Variants in ADGRV1 observed in about 807,000 individuals in gnomAD.
ADGRV1 encodes the protein G-protein coupled receptor 98.
Under a neutral mutation model 596.2 loss-of-function variants are expected in ADGRV1, and 359 were observed. That is an observed-to-expected ratio of 0.60 (90% CI 0.55 to 0.66). The LOEUF is 0.66. Among genes scored for constraint, ADGRV1 ranks in the 30% least tolerant of loss-of-function variants. The pLI is 0.00. For synonymous variants in ADGRV1, 2,681 were observed against 2,679.2 expected (o/e 1.00, Z -0.02); for missense variants, 7,274 against 7,575.6 (o/e 0.96, Z 1.48).
chr5:90,656,054 C>T (rs1426570061), intron 20 of ADGRV1, among the ~76,000 whole-genome samples: 1 of 152,134 alleles, frequency 6.6e-6, no homozygotes, highest in Admixed American at 6.6e-5. Flanking sequence ...CATATTCCCT[C>T]CATGAACCAC....
chr5:91,072,360 A>C, intron 85 of ADGRV1, 87 bp from the exon 86 acceptor site: 1 of 1,141,268 alleles, frequency 8.8e-7, no homozygotes. Context: ...ACAAAGAGCT[A>C]GTATAAAGTA....
intron 87 of ADGRV1, among the ~76,000 whole-genome samples, chr5:91,126,471 G>C (rs1793764973): frequency 6.6e-6 from 1 of 152,176 alleles, no homozygotes; most frequent in Non-Finnish European, 1.5e-5. Flanking sequence ...ATAGCTAAAG[G>C]TTACATGCTT....
intron 79 of ADGRV1, 139 bp downstream of exon 79, chr5:90,848,960 GAAGTT>G (rs1766199088): frequency 1.8e-6 from 1 of 561,994 alleles, no homozygotes; most frequent in African/African-American, 2.0e-5. Flanking sequence ...TTGGAAAGTT[GAAGTT>G]AATTATTTGA....
At position 90,805,291 on chromosome 5, in the gene ADGRV1, T is replaced by C. The variant is rs1761797994; in HGVS notation, c.14669T>C (p.Phe4890Ser). The change falls in exon 72 of 90, where the codon TTT (phenylalanine) becomes TCT (serine). Residue 4890 changes from phenylalanine (F) to serine (S), a missense_variant. Phe to Ser is a radical substitution (Grantham distance 155). Around this residue, in one of 5 missense-constraint regions of ADGRV1, gnomAD observed 1,874 missense variants for 1,970.2 expected, o/e 0.95. Coordinates refer to ENST00000405460, the MANE Select transcript of ADGRV1 (RefSeq NM_032119.4). ...SEKAANSQVG[F>S]ESTAFQLMNI... Reference sequence around the variant, plus strand: ...AGCATGATTTTCCCTCAGGTCGGATTTGAATCCACTGCTTTTCAACTCATG... The same window carrying C: ...AGCATGATTTTCCCTCAGGTCGGATCTGAATCCACTGCTTTTCAACTCATG... 1 of 1,610,198 alleles carries C rather than the reference T, an allele frequency of 6.2e-7. No individual in the cohort carries two copies. Among genetic ancestry groups the C allele is most frequent in the African/African-American group, 1.3e-5 (1 of 74,906 alleles).
At chr5:90,577,030 T>C (rs1757321771) in intron 1 of ADGRV1, among the ~76,000 whole-genome samples, 2 of 152,190 alleles carry the variant, frequency 1.3e-5, no homozygotes, top group Non-Finnish European at 2.9e-5. Flanking sequence ...ATTTGTCAGA[T>C]GGGTAGATTG....
chr5:90,940,104 A>G (rs1310809631), intron 83 of ADGRV1, among the ~76,000 whole-genome samples: 1 of 152,192 alleles, frequency 6.6e-6, no homozygotes, highest in Non-Finnish European at 1.5e-5. Context: ...GTTCCTGTAA[A>G]CAGCTCCTAG....
At chr5:90,802,957 G>C in intron 71 of ADGRV1, 75 bp downstream of exon 71, 1 of 1,278,968 alleles carries the variant, frequency 7.8e-7, no homozygotes, top group South Asian at 1.9e-5. Flanking sequence ...GAGACTCTTA[G>C]AGCTAGAATT....
At chr5:91,066,582 G>T in intron 85 of ADGRV1, among the ~76,000 whole-genome samples, 1 of 152,218 alleles carries the variant, frequency 6.6e-6, no homozygotes, top group East Asian at 1.9e-4. Context: ...AAGGTGTTAA[G>T]TATATGAGAC....
chr5:90,584,284 C>T (rs1758459089), intron 1 of ADGRV1, among the ~76,000 whole-genome samples: 1 of 152,050 alleles, frequency 6.6e-6, no homozygotes, highest in Admixed American at 6.6e-5. Flanking sequence ...TTTTCCTTAG[C>T]TCCTTTTTCT....
intron 85 of ADGRV1, among the ~76,000 whole-genome samples, chr5:91,022,269 T>A (rs1262679815): frequency 1.3e-5 from 2 of 152,060 alleles, no homozygotes; most frequent in Non-Finnish European, 2.9e-5. Context: ...TGATGACAGA[T>A]CTTCATGAGT....
intron 1 of ADGRV1, among the ~76,000 whole-genome samples, chr5:90,596,068 T>C (rs1760493907): frequency 7.6e-6 from 1 of 131,694 alleles, no homozygotes; most frequent in Non-Finnish European, 1.6e-5. Flanking sequence ...TCCTCACTTC[T>C]CAGACGGGGC....
At chr5:90,668,283 C>T (rs188224854) in intron 21 of ADGRV1, among the ~76,000 whole-genome samples, 1 of 152,334 alleles carries the variant, frequency 6.6e-6, no homozygotes, top group Admixed American at 6.5e-5. Flanking sequence ...GTAGGACCCT[C>T]TGAGCCAGGT....
chr5:90,711,832 A>G (rs1167032756), intron 41 of ADGRV1, among the ~76,000 whole-genome samples: 2 of 152,146 alleles, frequency 1.3e-5, no homozygotes, highest in Non-Finnish European at 2.9e-5. Context: ...GTTGGAGTGC[A>G]GTGGTGCGAT....
intron 82 of ADGRV1, among the ~76,000 whole-genome samples, chr5:90,858,470 T>G (rs756996155): frequency 1.3e-5 from 2 of 152,004 alleles, no homozygotes; most frequent in East Asian, 3.8e-4. Flanking sequence ...CTTATAGTCT[T>G]GTAATCTTTT....
At chr5:90,932,278 A>C (rs72784613) in intron 83 of ADGRV1, among the ~76,000 whole-genome samples, 9,444 of 152,180 alleles carry the variant, frequency 0.062, 380 homozygotes, top group Non-Finnish European at 0.093. Context: ...TCACGTCTAC[A>C]TTGAGTTAGT....
At chr5:90,993,955 T>C (rs974141662) in intron 85 of ADGRV1, among the ~76,000 whole-genome samples, 1 of 150,850 alleles carries the variant, frequency 6.6e-6, no homozygotes, top group African/African-American at 2.4e-5. Context: ...GTAACCACAA[T>C]TGACCTGTCT....
intron 2 of ADGRV1, 179 bp from the exon 3 acceptor site, chr5:90,617,625 T>C: frequency 1.8e-6 from 1 of 540,912 alleles, no homozygotes; most frequent in South Asian, 2.4e-5. Context: ...ATTTGTTTAT[T>C]TCTGAAGATA....
chr5:90,952,560 A>G (rs529535924), intron 83 of ADGRV1, among the ~76,000 whole-genome samples: 28 of 152,284 alleles, frequency 1.8e-4, no homozygotes, highest in African/African-American at 6.5e-4. Context: ...ATCTATAGAT[A>G]TCCAGGACAT....
intron 43 of ADGRV1, among the ~76,000 whole-genome samples, chr5:90,719,076 G>A (rs1750551528): frequency 6.6e-6 from 1 of 152,110 alleles, no homozygotes; most frequent in Admixed American, 6.5e-5. Flanking sequence ...AGTGGCACAC[G>A]CCTGTAATCT....
Sources: allele counts gnomAD v4.1 joint callset (sites outside exome capture counted in the v4.1 genomes callset), GRCh38; gene constraint gnomAD v4.1.1; regional missense constraint gnomAD v4.1.1; transcripts MANE v1.5; gene names NCBI Gene and HGNC (gene_info 2026-07-23, HGNC 2026-07-21).